The following TECPR2 variants were observed in gnomAD, a reference collection of about 807,000 sequenced individuals.
TECPR2 encodes tectonin beta-propeller repeat-containing protein 2.
A neutral mutation model predicts 138.1 loss-of-function variants in TECPR2; 65 were observed. That is an observed-to-expected ratio of 0.47 (90% CI 0.39 to 0.58). TECPR2 has a LOEUF of 0.58. Ranked by LOEUF, TECPR2 falls within the 20% of genes least tolerant of loss-of-function variation. TECPR2 has a pLI of 0.00. For missense variants in TECPR2, 1,553 were observed against 1,824.5 expected (o/e 0.85, Z 2.71); for synonymous variants, 746 against 749.8 (o/e 0.99, Z 0.08).
rs1428030499 is a variant in TECPR2, at chr14:102,404,682, T to C, written c.220-2656T>C. On this transcript the variant is annotated intron_variant, in intron 2 of 19. Coordinates refer to ENST00000359520, the MANE Select transcript of TECPR2 (RefSeq NM_014844.5). ...ACCTCCACCTCCTAGGTTCAAATGA[T>C]GCTCCTGCCTCAGCCTCCCGAGTAG... 2.0e-5 allele frequency among the ~76,000 whole-genome samples: 3 copies of C among 151,914 alleles called. 1 individual carries two copies. The highest frequency in any genetic ancestry group is 6.8e-3 in the Middle Eastern group (2 of 294).
chr14:102,405,027 G>T (rs2052635152), intron 2 of TECPR2, among the ~76,000 whole-genome samples: 1 of 151,898 alleles, frequency 6.6e-6, no homozygotes, highest in African/African-American at 2.4e-5. Flanking sequence ...ACTCAAAATG[G>T]CCGGGGCCTG....
At chr14:102,478,381 A>C (rs890977405) in intron 17 of TECPR2, among the ~76,000 whole-genome samples, 1 of 141,908 alleles carries the variant, frequency 7.0e-6, no homozygotes, top group Non-Finnish European at 1.6e-5. Flanking sequence ...TAAAGTGTAC[A>C]AAAAAAAAAT....
intron 2 of TECPR2, among the ~76,000 whole-genome samples, chr14:102,381,088 G>A (rs1346008862): frequency 6.6e-6 from 1 of 150,572 alleles, no homozygotes; most frequent in Non-Finnish European, 1.5e-5. Flanking sequence ...AGCCTCCCTT[G>A]TAGCTAGGAT....
intron 17 of TECPR2, among the ~76,000 whole-genome samples, chr14:102,476,662 A>G (rs1287929547): frequency 6.6e-6 from 1 of 152,200 alleles, no homozygotes; most frequent in Non-Finnish European, 1.5e-5. Flanking sequence ...ACAGGAAAAA[A>G]AGATGTGAAG....
intron 16 of TECPR2, among the ~76,000 whole-genome samples, chr14:102,459,361 C>T (rs1890350974): frequency 6.6e-6 from 1 of 152,188 alleles, no homozygotes; most frequent in African/African-American, 2.4e-5. Flanking sequence ...CATGCAAGTA[C>T]AGGATGTCAT....
chr14:102,482,112 C>T (rs1038068045), intron 17 of TECPR2, among the ~76,000 whole-genome samples: 14 of 151,596 alleles, frequency 9.2e-5, no homozygotes, highest in African/African-American at 2.9e-4. Context: ...TGCAATGGTG[C>T]GATCAATCTC....
intron 1 of TECPR2, among the ~76,000 whole-genome samples, chr14:102,366,577 C>A (rs1342051761): frequency 6.6e-6 from 1 of 152,116 alleles, no homozygotes. Flanking sequence ...GAACTCCTGG[C>A]CTCAAGCAAT....
At chr14:102,437,727 G>A (rs1244455241) in intron 9 of TECPR2, among the ~76,000 whole-genome samples, 2 of 152,078 alleles carry the variant, frequency 1.3e-5, no homozygotes, top group Admixed American at 6.6e-5. Flanking sequence ...CAGCTCCTTC[G>A]TAACGTGATG....
intron 2 of TECPR2, among the ~76,000 whole-genome samples, chr14:102,396,747 A>G (rs943827459): frequency 1.3e-5 from 2 of 152,190 alleles, no homozygotes; most frequent in South Asian, 4.1e-4. Context: ...CCCCAACCCC[A>G]GTTCTGTGGA....
chr14:102,464,434 C>G (rs1273738541), intron 16 of TECPR2, among the ~76,000 whole-genome samples: 1 of 151,850 alleles, frequency 6.6e-6, no homozygotes, highest in Admixed American at 6.6e-5. Context: ...GCTCTGTTGC[C>G]CAGGCTGGAG....
chr14:102,431,697 C>T, intron 7 of TECPR2, 99 bp from the exon 8 acceptor site: 2 of 1,201,154 alleles, frequency 1.7e-6, no homozygotes, highest in South Asian at 3.4e-5. Flanking sequence ...CTGGCTGGTG[C>T]CTCTGTGACA....
chr14:102,391,286 C>G (rs1888165493), intron 2 of TECPR2, among the ~76,000 whole-genome samples: 1 of 152,186 alleles, frequency 6.6e-6, no homozygotes, highest in Admixed American at 6.5e-5. Flanking sequence ...TCTCGAACTC[C>G]TGACCTCAAG....
At chr14:102,470,953 G>A (rs1890642839) in intron 17 of TECPR2, among the ~76,000 whole-genome samples, 1 of 152,004 alleles carries the variant, frequency 6.6e-6, no homozygotes. Flanking sequence ...CGAGTAGCTG[G>A]GATTACAGGC....
At chr14:102,390,189 T>C (rs1283434833) in intron 2 of TECPR2, among the ~76,000 whole-genome samples, 1 of 152,222 alleles carries the variant, frequency 6.6e-6, no homozygotes, top group African/African-American at 2.4e-5. Context: ...AGTTTTGTCT[T>C]GTGTATGAAA....
At chr14:102,427,140 C>G (rs1287815301) in intron 6 of TECPR2, among the ~76,000 whole-genome samples, 1 of 152,122 alleles carries the variant, frequency 6.6e-6, no homozygotes, top group African/African-American at 2.4e-5. Context: ...CACCAAGGTG[C>G]CTTGAGTTTG....
intron 16 of TECPR2, among the ~76,000 whole-genome samples, chr14:102,453,104 T>C (rs1021148936): frequency 6.6e-6 from 1 of 152,202 alleles, no homozygotes; most frequent in Non-Finnish European, 1.5e-5. Context: ...CAGCCAGATA[T>C]AGGAGGACCT....
chr14:102,493,827 A>C (rs1885708), intron 17 of TECPR2, among the ~76,000 whole-genome samples: 1 of 152,012 alleles, frequency 6.6e-6, no homozygotes, highest in Admixed American at 6.5e-5. Flanking sequence ...GGTGCATCTG[A>C]GGTTCTGCGT....
At chr14:102,404,416 TAAAAC>T (rs1888591954) in intron 2 of TECPR2, among the ~76,000 whole-genome samples, 1 of 152,150 alleles carries the variant, frequency 6.6e-6, no homozygotes, top group South Asian at 2.1e-4. Context: ...TTCCTGAACT[TAAAAC>T]TTAACTGCAA....
At chr14:102,416,860 T>G (rs1410238010) in intron 5 of TECPR2, among the ~76,000 whole-genome samples, 1 of 152,160 alleles carries the variant, frequency 6.6e-6, no homozygotes, top group Non-Finnish European at 1.5e-5. Flanking sequence ...AGCAGGCGCC[T>G]GTAATCCCAG....
Sources: gnomAD v4.1 joint callset for allele counts (sites outside exome capture counted in the v4.1 genomes callset) on GRCh38, gnomAD v4.1.1 for gene constraint, MANE v1.5 for transcripts, NCBI Gene and HGNC (gene_info 2026-07-23, HGNC 2026-07-21) for gene names.